Variants in PUM2 observed in about 807,000 individuals in gnomAD.
PUM2 encodes pumilio homolog 2.
A neutral mutation model predicts 124.5 loss-of-function variants in PUM2; 57 were observed. That is an observed-to-expected ratio of 0.46 (90% CI 0.37 to 0.57). PUM2 has a LOEUF of 0.57. PUM2 is among the 20% of genes least tolerant of loss of function. The pLI, the probability that PUM2 is intolerant of heterozygous loss-of-function variation, is 0.00. For synonymous variants in PUM2, 460 were observed against 446.1 expected, an observed-to-expected ratio of 1.03 and a Z score of -0.39; for missense variants, 1,065 against 1,290.6, an observed-to-expected ratio of 0.83 and a Z score of 2.68.
intron 2 of PUM2, among the ~76,000 whole-genome samples, chr2:20,323,233 G>A (rs976852370): frequency 1.3e-5 from 2 of 152,068 alleles, no homozygotes. Context: ...CGGACCACGA[G>A]GTCAGGAAAT....
chr2:20,325,550 AACAT>A (rs1299854189), intron 2 of PUM2, among the ~76,000 whole-genome samples: 1 of 152,216 alleles, frequency 6.6e-6, no homozygotes, highest in Non-Finnish European at 1.5e-5. Context: ...CCAGTTTGAA[AACAT>A]ATATACAATA....
chr2:20,285,078 T>G (rs560734923), intron 10 of PUM2, among the ~76,000 whole-genome samples: 3 of 152,310 alleles, frequency 2.0e-5, no homozygotes, highest in South Asian at 4.1e-4. Context: ...GTAAATCCAT[T>G]TGGACATTTG....
At position 20,263,199 on chromosome 2, in the gene PUM2, C is replaced by A; in HGVS notation, c.2219G>T (p.Gly740Val). 6.3e-7 allele frequency: 1 copy of A among 1,595,792 alleles called. No individual in the cohort carries two copies. The highest frequency in any genetic ancestry group is 8.6e-7 in the Non-Finnish European group (1 of 1,163,300). The stretch of plus-strand genomic sequence containing the variant: ...AAATATCATAATCACCTACCTAGAA[C>A]CATGCTGGTCTTGAGAAAACTCAAC... ...HIVEFSQDQHGSRFIQQKLER... is the reference protein window; with the variant it reads ...HIVEFSQDQHVSRFIQQKLER... Residue 740 changes from glycine to valine, a missense_variant, in exon 14 of 21, where the codon GGT becomes GTT. Gly to Val is a moderately radical substitution (Grantham distance 109, BLOSUM62 -3). This residue lies in a region of PUM2 where 968 missense variants were observed against 1,159.8 expected (regional missense o/e 0.83). Coordinates refer to ENST00000361078, the MANE Select transcript of PUM2 (RefSeq NM_015317.5).
chr2:20,262,842 C>A (rs1434041149), intron 14 of PUM2, among the ~76,000 whole-genome samples: 2 of 152,130 alleles, frequency 1.3e-5, no homozygotes, highest in Non-Finnish European at 2.9e-5. Flanking sequence ...TAATGCAACA[C>A]AAAGGCATTT....
chr2:20,254,817 A>G, intron 19 of PUM2, 46 bp downstream of exon 19: 4 of 1,578,952 alleles, frequency 2.5e-6, no homozygotes, highest in Non-Finnish European at 3.5e-6. Context: ...ATAAAAGTCA[A>G]TGAGTTGAAA....
chr2:20,349,022 TG>T, intron 1 of PUM2, among the ~76,000 whole-genome samples: 2 of 152,262 alleles, frequency 1.3e-5, no homozygotes, highest in African/African-American at 4.8e-5. Context: ...GTATTTGTAA[TG>T]CCTGAGAATT....
intron 9 of PUM2, among the ~76,000 whole-genome samples, chr2:20,292,662 G>A (rs749368453): frequency 2.2e-4 from 34 of 152,190 alleles, no homozygotes; most frequent in African/African-American, 7.2e-4. Flanking sequence ...TGGGCGCAGT[G>A]GCTCACACCT....
intron 7 of PUM2, among the ~76,000 whole-genome samples, chr2:20,300,805 A>G (rs1473339969): frequency 1.3e-5 from 2 of 151,786 alleles, no homozygotes; most frequent in African/African-American, 4.8e-5. Context: ...AAAAAAAAAA[A>G]GCTACGCATC....
chr2:20,314,072 G>A (rs1360431806), intron 3 of PUM2, among the ~76,000 whole-genome samples: 5 of 152,044 alleles, frequency 3.3e-5, no homozygotes, highest in Admixed American at 2.0e-4. Flanking sequence ...CCTGAGCCCG[G>A]GAGGTCAAGG....
intron 10 of PUM2, among the ~76,000 whole-genome samples, chr2:20,284,519 A>T (rs1314498158): frequency 6.6e-6 from 1 of 151,252 alleles, no homozygotes; most frequent in Non-Finnish European, 1.5e-5. Flanking sequence ...CCAGGTCCGG[A>T]TAATTTATTT....
chr2:20,249,844 C>T lies in PUM2; in HGVS notation c.*1741G>A, dbSNP rs1662879935. The T allele has an allele frequency of 6.6e-6, 1 of 152,458 alleles. No individual in the cohort carries two copies. Among genetic ancestry groups the T allele is most frequent in the African/African-American group, 2.4e-5 (1 of 41,394 alleles). The allele number at this position is 152,458 out of a possible 1,614,324, so 9.4% of individuals were successfully genotyped here. A position where few individuals can be genotyped will look rare whatever the true frequency, so the allele number is the denominator to read the frequency against. ...CTGAATATACACAGCAAGTTTTTTT[C>T]CAAAATATTTTCATAGGCAAAGGAT... On this transcript the variant is annotated 3_prime_UTR_variant, in exon 21 of 21. Transcript: ENST00000361078.
Position 20,251,713 on chromosome 2 carries a change from G to A in PUM2, c.3067C>T (p.Arg1023Ter). 2 of 1,610,612 alleles carry A rather than the reference G, an allele frequency of 1.2e-6. No individual in the cohort carries two copies. The highest frequency in any genetic ancestry group is 1.1e-5 in the South Asian group (1 of 90,052). ...TTGCGCAAAGTAGTAATGTGAGGTC[G>A]AATCTGAAAAACAAATAATCTGCTT... is the stretch of plus-strand genomic sequence containing the variant. The part of the protein sequence containing the change: ...AQRKIIMHKI[R>*]PHITTLRKYT... Residue 1023 changes from arginine (R) to a stop codon, truncating the protein, a stop_gained, in exon 21 of 21, where the codon CGA (arginine) becomes TGA (stop). Coordinates refer to ENST00000361078, the MANE Select transcript of PUM2 (RefSeq NM_015317.5). LOFTEE classifies it high-confidence loss of function.
intron 15 of PUM2, 36 bp downstream of exon 15, chr2:20,260,301 G>A (rs1298354388): frequency 1.9e-6 from 3 of 1,570,906 alleles, no homozygotes; most frequent in Non-Finnish European, 2.6e-6. Context: ...TACAACAGCT[G>A]GATGGGCGGA....
chr2:20,324,938 T>TAAA (rs35178527), intron 2 of PUM2, among the ~76,000 whole-genome samples: 2 of 141,952 alleles, frequency 1.4e-5, no homozygotes, highest in African/African-American at 2.6e-5. Flanking sequence ...CGTTTTGCAT[T>TAAA]AAAAAAAAAA....
intron 13 of PUM2, among the ~76,000 whole-genome samples, chr2:20,268,854 T>C (rs996399373): frequency 6.6e-6 from 1 of 152,148 alleles, no homozygotes; most frequent in African/African-American, 2.4e-5. Flanking sequence ...TATAAATCTT[T>C]TTTTGTTTCT....
Position 20,308,452 on chromosome 2 carries a change from T to A in PUM2, c.651A>T (p.Ser217=), listed in dbSNP as rs763252703. 5.6e-6 allele frequency: 9 copies of A among 1,614,170 alleles called. No individual in the cohort carries two copies. In the South Asian group the frequency reaches 9.9e-5, roughly 18 times the overall value. ...TANKPLVEEF[S]NPETQNLDAM... ...CATCCAGATTCTGAGTTTCAGGATTTGAAAATTCTTCAACAAGTGGTTTAT... is the reference window on the plus strand; with the variant it reads ...CATCCAGATTCTGAGTTTCAGGATTAGAAAATTCTTCAACAAGTGGTTTAT... The change falls in exon 6 of 21, where the codon TCA becomes TCT. Residue 217 remains serine, a synonymous_variant. Coordinates refer to ENST00000361078, the MANE Select transcript of PUM2 (RefSeq NM_015317.5).
chr2:20,268,117 G>A (rs1558507583), intron 13 of PUM2, among the ~76,000 whole-genome samples: 1 of 152,106 alleles, frequency 6.6e-6, no homozygotes, highest in Non-Finnish European at 1.5e-5. Flanking sequence ...TCTGGGATTG[G>A]AATGACAGCT....
At chr2:20,252,395 A>T (rs1371964231) in intron 20 of PUM2, among the ~76,000 whole-genome samples, 2 of 152,228 alleles carry the variant, frequency 1.3e-5, no homozygotes, top group Non-Finnish European at 2.9e-5. Flanking sequence ...TGTGCAACAG[A>T]GACCCTGTCT....
At chr2:20,330,488 A>T (rs1481318583) in intron 1 of PUM2, among the ~76,000 whole-genome samples, 1 of 152,164 alleles carries the variant, frequency 6.6e-6, no homozygotes, top group African/African-American at 2.4e-5. Flanking sequence ...TTTAATGCCT[A>T]TGTAATGAGG....
Sources: gnomAD v4.1 joint callset for allele counts (sites outside exome capture counted in the v4.1 genomes callset) on GRCh38, gnomAD v4.1.1 for gene constraint, gnomAD v4.1.1 regional missense constraint, MANE v1.5 for transcripts, NCBI Gene and HGNC (gene_info 2026-07-23, HGNC 2026-07-21) for gene names.